PKP3: variants seen among roughly 807,000 people sequenced by gnomAD.
PKP3 encodes plakophilin-3.
A neutral mutation model predicts 76.5 loss-of-function variants in PKP3; 66 were observed. The ratio of observed to expected loss-of-function variants is 0.86; its 90% CI spans 0.71 to 1.06. The LOEUF is 1.06. Among genes scored for constraint, PKP3 ranks in the 50% least tolerant of loss-of-function variants. PKP3 has a pLI of 0.00. For missense variants in PKP3, 1,338 were observed against 1,141.0 expected (o/e 1.17, Z -2.49); for synonymous variants, 638 against 516.5 (o/e 1.24, Z -3.19).
Position 399,032 on chromosome 11 carries a change from T to G in PKP3, c.1109T>G (p.Phe370Cys). ...LQAVPRLVKLFNHANQEVQRH... is the reference protein window; with the variant it reads ...LQAVPRLVKLCNHANQEVQRH... ...GCCGTGCCTAGGCTGGTGAAGCTCT[T>G]CAACCACGCCAACCAGGAAGTGCAG... is the stretch of plus-strand genomic sequence containing the variant. The change falls in exon 5 of 13, where the codon TTC (phenylalanine) becomes TGC (cysteine). Residue 370 changes from phenylalanine (F) to cysteine (C), a missense_variant. Transcript: ENST00000331563. The G allele has an allele frequency of 6.2e-7, 1 of 1,604,422 alleles. No homozygotes were observed. Among genetic ancestry groups the G allele is most frequent in the Non-Finnish European group, 8.5e-7 (1 of 1,174,020 alleles).
chr11:395,629 A>G (rs1250046362), intron 1 of PKP3, among the ~76,000 whole-genome samples: 1 of 152,196 alleles, frequency 6.6e-6, no homozygotes, highest in African/African-American at 2.4e-5. Flanking sequence ...CACGAGCGTC[A>G]GAGGGTTAAT....
intron 4 of PKP3, 146 bp from the exon 5 acceptor site, chr11:398,845 CT>C: frequency 1.6e-6 from 1 of 630,660 alleles, no homozygotes; most frequent in Non-Finnish European, 2.7e-6. Flanking sequence ...CGTCACCTCC[CT>C]ACCGCCGCAC....
intron 1 of PKP3, among the ~76,000 whole-genome samples, chr11:395,952 G>A (rs1193562839): frequency 6.6e-6 from 1 of 152,070 alleles, no homozygotes; most frequent in African/African-American, 2.4e-5. Context: ...AGTCACAGCA[G>A]CCCTCCCATC....
chr11:403,832 G>A lies in PKP3; in HGVS notation c.2077+61G>A, dbSNP rs1230445988. ...ACCCACATGTCAATTTTGTCTTTAA[G>A]TGTGGGCTTCAGACCACTGGGGCCA... On this transcript the variant is annotated intron_variant, in intron 10 of 12. Coordinates refer to ENST00000331563, the MANE Select transcript of PKP3 (RefSeq NM_007183.4). The A allele has an allele frequency of 3.5e-5, 56 of 1,594,796 alleles. 1 individual carries two copies. The East Asian group carries it at 1.2e-3, about 35-fold the overall frequency.
In PKP3 at chr11:397,336, C is replaced by A; in HGVS notation, c.835C>A (p.Pro279Thr). 6.3e-7 allele frequency: 1 copy of A among 1,581,176 alleles called. No homozygotes were observed. Among genetic ancestry groups the A allele is most frequent in the Non-Finnish European group, 8.6e-7 (1 of 1,166,814 alleles). The change falls in exon 3 of 13, where the codon CCA (proline) becomes ACA (threonine). Residue 279 changes from proline (P) to threonine (T), a missense_variant. Pro to Thr is a conservative substitution (Grantham distance 38, BLOSUM62 -1). Coordinates refer to ENST00000331563, the MANE Select transcript of PKP3 (RefSeq NM_007183.4). ...CGTCCTGGAGCCAGTGGCTCGAGCG[C>A]CATCTGTGCGCAGCCTCAGCCTCAG... ...GAVLEPVARA[P>T]SVRSLSLSLA...
In PKP3 at chr11:400,645, G is replaced by A. The variant is rs769569967; in HGVS notation, c.1677G>A (p.Ala559=). 4 of 1,372,062 alleles carry A rather than the reference G, an allele frequency of 2.9e-6. No homozygotes were observed. The highest frequency in any genetic ancestry group is 3.7e-6 in the Non-Finnish European group (4 of 1,070,112). 85.0% of individuals were successfully genotyped at this position (1,372,062 alleles called of 1,614,324 possible). The change falls in exon 8 of 13, where the codon GCG becomes GCA. Residue 559 remains alanine (A), a synonymous_variant. Transcript: ENST00000331563. The part of the protein sequence containing the change: ...RLEGRGRRDL[A]GAPPGEVVGC... ...AGGGTCGCGGCCGCAGGGACCTGGCGGGGGCGCCGCCGGGAGAGGTCGTGG... is the reference window on the plus strand; with the variant it reads ...AGGGTCGCGGCCGCAGGGACCTGGCAGGGGCGCCGCCGGGAGAGGTCGTGG...
rs1448945671 is a variant in PKP3, at chr11:396,758, G to C, written c.313-56G>C. On this transcript the variant is annotated intron_variant, in intron 2 of 12. Transcript: ENST00000331563. ...TCTGGAGAGTGGGAGGCTCTGCAGC[G>C]GGCCCGGACACAGGTGAGCCCAGGC... 5 of 1,571,000 alleles carry C rather than the reference G, an allele frequency of 3.2e-6. 1 individual carries two copies. The South Asian group carries it at 4.7e-5, about 15-fold the overall frequency.
chr11:403,337 G>A, intron 9 of PKP3, 74 bp downstream of exon 9: 2 of 1,218,742 alleles, frequency 1.6e-6, no homozygotes, highest in Non-Finnish European at 2.3e-6. Flanking sequence ...GGAGGGAGAG[G>A]GAGGGGAGGA....
chr11:392,763 G>C, upstream of PKP3: 8 of 840,462 alleles, frequency 9.5e-6, no homozygotes, highest in Non-Finnish European at 7.8e-6. Context: ...GCCCCAGCCC[G>C]GGCCTCACCC....
intron 1 of PKP3, among the ~76,000 whole-genome samples, chr11:395,909 C>G (rs779052377): frequency 6.6e-6 from 1 of 152,308 alleles, no homozygotes; most frequent in East Asian, 1.9e-4. Context: ...GCTGTCCCAC[C>G]CCTCCATCCA....
At position 404,556 on chromosome 11, in the gene PKP3, T is replaced by C; in HGVS notation, c.2381T>C (p.Phe794Ser). Reference protein sequence around the residue: ...FRAKGYRKEDFLGP With the variant: ...FRAKGYRKEDSLGP The stretch of plus-strand genomic sequence containing the variant: ...TAGAAGGGCTATCGGAAGGAGGACT[T>C]CCTGGGCCCATAGGTGAAGCCTTCT... Residue 794 changes from phenylalanine to serine, a missense_variant, in exon 13 of 13, where the codon TTC becomes TCC. Phe to Ser is a radical substitution (Grantham distance 155). Coordinates refer to ENST00000331563, the MANE Select transcript of PKP3 (RefSeq NM_007183.4). The surrounding 1 kb of genome is among the most constrained non-coding windows in gnomAD (Gnocchi z 4.2). 1 of 1,612,564 alleles carries C rather than the reference T, an allele frequency of 6.2e-7. No individual in the cohort carries two copies. The highest frequency in any genetic ancestry group is 8.5e-7 in the Non-Finnish European group (1 of 1,179,808).
At position 400,097 on chromosome 11, in the gene PKP3, C is replaced by T. The variant is rs201372362; in HGVS notation, c.1404C>T (p.Asn468=). ...GAGGPPLIQQ[N]ASEAEIFYNA... The stretch of plus-strand genomic sequence containing the variant: ...GGGGTCCCCCCCTCATCCAGCAGAA[C>T]GCCTCGGAGGCAGAGATCTTCTACA... The change falls in exon 6 of 13, where the codon AAC becomes AAT. Residue 468 remains asparagine, a synonymous_variant. Coordinates refer to ENST00000331563, the MANE Select transcript of PKP3 (RefSeq NM_007183.4). 19 of 1,593,114 alleles carry T rather than the reference C, an allele frequency of 1.2e-5. 1 individual carries two copies. Among genetic ancestry groups the T allele is most frequent in the South Asian group, 9.1e-5 (8 of 88,366 alleles).
chr11:400,063 CG>C lies in PKP3; in HGVS notation c.1375del (p.Ala459LeufsTer188). On this transcript the variant is annotated frameshift_variant, in exon 6 of 13. Transcript: ENST00000331563. LOFTEE classifies it high-confidence loss of function. ...ACAGACCTGGTGTTGAGCCCCCTGT[CG>C]GGGGCTGGGGGTCCCCCCCTCATCC... The part of the protein sequence containing the change: ...QLTDLVLSPL[S>X]GAGGPPLIQQ... The C allele has an allele frequency of 1.2e-6, 2 of 1,602,892 alleles. No homozygotes were observed. Among genetic ancestry groups the C allele is most frequent in the Admixed American group, 1.7e-5 (1 of 58,604 alleles).
intron 6 of PKP3, 88 bp downstream of exon 6, chr11:400,229 C>A: frequency 7.1e-7 from 1 of 1,407,056 alleles, no homozygotes; most frequent in Non-Finnish European, 9.6e-7. Context: ...AGCCCACACA[C>A]CGCACGCCTC....
intron 8 of PKP3, 152 bp downstream of exon 8, chr11:400,857 GACCCCGCTCACACCC>G (rs1847147536): frequency 1.6e-5 from 2 of 123,184 alleles, no homozygotes; most frequent in African/African-American, 1.3e-4. Context: ...GCTCACCCCC[GACCCCGCTCACACCC>G]GCCCCGCTCA....
chr11:404,024 A>G lies in PKP3; in HGVS notation c.2159A>G (p.Asn720Ser), dbSNP rs376598155. The change falls in exon 11 of 13, where the codon AAC (asparagine) becomes AGC (serine). Residue 720 changes from asparagine to serine, a missense_variant. Transcript: ENST00000331563. The surrounding 1 kb of genome is among the most constrained non-coding windows in gnomAD (Gnocchi z 4.2). ...EKSPPAEVLV[N>S]IIAVLNNLVV... is the part of the protein sequence containing the mutation. ...TCGCCCCCAGCCGAGGTGCTGGTCA[A>G]CATCATAGCTGTGCTCAACAACCTG... 1.9e-6 allele frequency: 3 copies of G among 1,612,142 alleles called. No individual in the cohort carries two copies. The African/African-American group carries it at 4.0e-5, about 22-fold the overall frequency.
upstream of PKP3, among the ~76,000 whole-genome samples, chr11:393,058 T>C (rs1045706365): frequency 1.6e-4 from 25 of 151,986 alleles, 3 homozygotes; most frequent in African/African-American, 5.6e-4. Flanking sequence ...GCCCAGAGGT[T>C]GTCATAGATG....
rs1847047661 is a variant in PKP3 at position 396,611 on chromosome 11, C to T, written c.236C>T (p.Thr79Ile). 1 of 1,604,382 alleles carries T rather than the reference C, an allele frequency of 6.2e-7. No individual in the cohort carries two copies. Among genetic ancestry groups the T allele is most frequent in the Non-Finnish European group, 8.5e-7 (1 of 1,175,562 alleles). The stretch of plus-strand genomic sequence containing the variant: ...CTACCACCGTCCCTCTCCACAGGCA[C>T]ATCCAGGGGGCAGTACCACACCCTG... Reference protein sequence around the residue: ...PEPEAETARGTSRGQYHTLQA... With the variant: ...PEPEAETARGISRGQYHTLQA... Residue 79 changes from threonine (T) to isoleucine (I), a missense_variant, in exon 2 of 13, where the codon ACA becomes ATA. Coordinates refer to ENST00000331563, the MANE Select transcript of PKP3 (RefSeq NM_007183.4).
At position 400,590 on chromosome 11, in the gene PKP3, A is replaced by AGATGCC. The variant is rs1847137430; in HGVS notation, c.1624_1629dup (p.Met542_Pro543dup). Reference sequence around the variant, plus strand: ...AACCTGTCCTACCGCCTCTACGACGAGATGCCGCCGTCCGCGCTGCAGCGG... The same window carrying AGATGCC: ...AACCTGTCCTACCGCCTCTACGACGAGATGCCGATGCCGCCGTCCGCGCTGCAGCGG... On this transcript the variant is annotated inframe_insertion, in exon 8 of 13. Coordinates refer to ENST00000331563, the MANE Select transcript of PKP3 (RefSeq NM_007183.4). 15 of 1,471,558 alleles carry AGATGCC rather than the reference A, an allele frequency of 1.0e-5. 1 individual carries two copies. The highest frequency in any genetic ancestry group is 1.2e-5 in the Non-Finnish European group (13 of 1,121,084). The allele number at this position is 1,471,558 out of a possible 1,614,324, so 91.2% of individuals were successfully genotyped here. A position where few individuals can be genotyped will look rare whatever the true frequency, so the allele number is the denominator to read the frequency against.
Sources: allele counts gnomAD v4.1 joint callset (sites outside exome capture counted in the v4.1 genomes callset), GRCh38; gene constraint gnomAD v4.1.1; non-coding constraint Gnocchi (gnomAD v3.1); transcripts MANE v1.5; gene names NCBI Gene and HGNC (gene_info 2026-07-23, HGNC 2026-07-21).